Variants in CDC7 observed in about 807,000 individuals in gnomAD.
CDC7 encodes the protein cell division cycle 7-related protein kinase.
A neutral mutation model predicts 53.5 loss-of-function variants in CDC7; 34 were observed. The observed-to-expected ratio is 0.64, with a 90% CI of 0.48 to 0.85. The LOEUF is 0.85. Ranked by LOEUF, CDC7 falls within the 40% of genes least tolerant of loss-of-function variation. CDC7 has a pLI of 0.00. For missense variants in CDC7, 594 were observed against 679.7 expected, an observed-to-expected ratio of 0.87 and a Z score of 1.40; for synonymous variants, 211 against 222.8, an observed-to-expected ratio of 0.95 and a Z score of 0.47.
intron 11 of CDC7, among the ~76,000 whole-genome samples, chr1:91,521,381 A>G (rs1219389506): frequency 6.6e-6 from 1 of 152,210 alleles, no homozygotes; most frequent in African/African-American, 2.4e-5. Flanking sequence ...CTAGTGCTAT[A>G]GTCTAATCTA....
At chr1:91,520,008 G>C (rs13447538) in intron 10 of CDC7, 122 bp from the exon 11 acceptor site, 3 of 670,606 alleles carry the variant, frequency 4.5e-6, no homozygotes, top group Admixed American at 3.8e-5. Context: ...TTGGGTCTGG[G>C]CATCTGAAAT....
intron 10 of CDC7, among the ~76,000 whole-genome samples, chr1:91,517,927 C>T (rs1017084088): frequency 1.3e-5 from 2 of 151,722 alleles, no homozygotes; most frequent in African/African-American, 4.8e-5. Context: ...GAAATCCCGT[C>T]TCTACTAAAA....
At chr1:91,502,038 G>A (rs1666718314) in intron 2 of CDC7, among the ~76,000 whole-genome samples, 1 of 152,200 alleles carries the variant, frequency 6.6e-6, no homozygotes, top group East Asian at 1.9e-4. Flanking sequence ...TTTTACGGTT[G>A]AAGTTGCTAT....
At chr1:91,518,125 A>G (rs929403752) in intron 10 of CDC7, among the ~76,000 whole-genome samples, 1 of 140,128 alleles carries the variant, frequency 7.1e-6, no homozygotes, top group African/African-American at 2.6e-5. Flanking sequence ...AAGGTGATAC[A>G]GTAGCCCAAG....
intron 6 of CDC7, 91 bp downstream of exon 6, chr1:91,512,014 A>G: frequency 1.1e-6 from 1 of 942,226 alleles, no homozygotes; most frequent in South Asian, 2.2e-5. Context: ...ACATGATGTT[A>G]TATATAGTAC....
intron 2 of CDC7, among the ~76,000 whole-genome samples, chr1:91,504,827 A>G (rs1666898291): frequency 6.6e-6 from 1 of 152,200 alleles, no homozygotes; most frequent in Non-Finnish European, 1.5e-5. Flanking sequence ...AAGATATTGA[A>G]AACGTTTCAT....
chr1:91,519,887 CAT>C (rs1235444248), intron 10 of CDC7, among the ~76,000 whole-genome samples: 1 of 152,080 alleles, frequency 6.6e-6, no homozygotes, highest in African/African-American at 2.4e-5. Context: ...AGAAAGAAAA[CAT>C]ATTTTGCAGT....
chr1:91,522,671 T>C (rs1402014354), intron 11 of CDC7, among the ~76,000 whole-genome samples: 2 of 152,202 alleles, frequency 1.3e-5, no homozygotes, highest in Non-Finnish European at 2.9e-5. Context: ...TAAAACTATA[T>C]GAATATTCCC....
intron 6 of CDC7, 46 bp downstream of exon 6, chr1:91,511,969 A>G: frequency 1.4e-6 from 2 of 1,401,270 alleles, no homozygotes; most frequent in Non-Finnish European, 2.0e-6. Flanking sequence ...ATTTCTTTTA[A>G]AAAACAATTT....
At chr1:91,503,541 C>T (rs1666819097) in intron 2 of CDC7, among the ~76,000 whole-genome samples, 1 of 152,070 alleles carries the variant, frequency 6.6e-6, no homozygotes, top group South Asian at 2.1e-4. Flanking sequence ...TAACAGTGTC[C>T]AGCACATAGT....
intron 8 of CDC7, 85 bp from the exon 9 acceptor site, chr1:91,514,734 C>T: frequency 2.0e-6 from 2 of 1,005,220 alleles, no homozygotes; most frequent in Non-Finnish European, 2.9e-6. Flanking sequence ...AGTTATGCTT[C>T]CGCTATTGCT....
At chr1:91,515,444 A>G (rs188578835) in intron 9 of CDC7, among the ~76,000 whole-genome samples, 21 of 152,292 alleles carry the variant, frequency 1.4e-4, no homozygotes, top group Admixed American at 9.2e-4. Flanking sequence ...ACTCAAATAT[A>G]TAAGTGTATC....
intron 11 of CDC7, among the ~76,000 whole-genome samples, chr1:91,521,267 T>C (rs1003087774): frequency 6.6e-6 from 1 of 152,206 alleles, no homozygotes; most frequent in Non-Finnish European, 1.5e-5. Context: ...AACAAGATAC[T>C]TAGGAAGGCT....
intron 4 of CDC7, among the ~76,000 whole-genome samples, chr1:91,510,899 T>C (rs1482888528): frequency 6.6e-6 from 1 of 152,230 alleles, no homozygotes; most frequent in African/African-American, 2.4e-5. Context: ...TCCTTTCTTA[T>C]TTGGCTCTCT....
At chr1:91,502,002 G>A (rs141634682) in intron 2 of CDC7, among the ~76,000 whole-genome samples, 171 bp downstream of exon 2, 1 of 152,176 alleles carries the variant, frequency 6.6e-6, no homozygotes, top group Non-Finnish European at 1.5e-5. Context: ...ACTGAATTGC[G>A]ATTTGGAAGA....
chr1:91,518,131 C>G (rs2102388857), intron 10 of CDC7, among the ~76,000 whole-genome samples: 1 of 132,586 alleles, frequency 7.5e-6, no homozygotes, highest in South Asian at 2.5e-4. Context: ...ATACAGTAGC[C>G]CAAGGAACAG....
In CDC7 at chr1:91,520,121, C is replaced by G. The variant is rs866615816; in HGVS notation, c.1181-9C>G. ...GAAATTTATTTTTAAAATTTGTCTT[C>G]TGTTGCAGCAATTGACATGTGGTCT... On this transcript the variant is annotated splice_polypyrimidine_tract_variant and intron_variant, in intron 10 of 11. Transcript: ENST00000234626. 3.9e-6 allele frequency: 6 copies of G among 1,548,744 alleles called. No individual in the cohort carries two copies. The Middle Eastern group carries it at 9.6e-4, about 247-fold the overall frequency.
intron 11 of CDC7, among the ~76,000 whole-genome samples, chr1:91,521,440 G>A (rs1667940096): frequency 6.6e-6 from 1 of 152,120 alleles, no homozygotes; most frequent in East Asian, 1.9e-4. Flanking sequence ...CTTAATAGAG[G>A]CTTGCCAAAA....
rs181611100 is a variant in CDC7, at chr1:91,525,661, T to C, written c.*1226T>C. 21 of 152,074 alleles carry C rather than the reference T, an allele frequency of 1.4e-4. No individual in the cohort carries two copies. Among genetic ancestry groups the C allele is most frequent in the African/African-American group, 4.6e-4 (19 of 41,438 alleles). The allele number at this position is 152,074 out of a possible 1,614,324, so 9.4% of individuals were successfully genotyped here. ...CCTAATCTGTTTGGTAAGTATAGGATATATAAACCATTACCATTGATCTGT... is the reference window on the plus strand; with the variant it reads ...CCTAATCTGTTTGGTAAGTATAGGACATATAAACCATTACCATTGATCTGT... On this transcript the variant is annotated 3_prime_UTR_variant, in exon 12 of 12. Coordinates refer to ENST00000234626, the MANE Select transcript of CDC7 (RefSeq NM_003503.4).
Sources: allele counts gnomAD v4.1 joint callset (sites outside exome capture counted in the v4.1 genomes callset), GRCh38; gene constraint gnomAD v4.1.1; transcripts MANE v1.5; gene names NCBI Gene and HGNC (gene_info 2026-07-23, HGNC 2026-07-21).